SEC22C: variants seen among roughly 807,000 people sequenced by gnomAD.
The protein encoded by SEC22C is vesicle-trafficking protein SEC22c.
Under a neutral mutation model 34.7 loss-of-function variants are expected in SEC22C, and 29 were observed. The ratio of observed to expected loss-of-function variants is 0.84; its 90% CI spans 0.62 to 1.14. SEC22C has a LOEUF of 1.14. Among genes scored for constraint, SEC22C ranks in the 50% most tolerant of loss-of-function variants. The pLI is 0.00. For synonymous variants in SEC22C, 117 were observed against 132.8 expected, an observed-to-expected ratio of 0.88 and a Z score of 0.82; for missense variants, 337 against 369.0, an observed-to-expected ratio of 0.91 and a Z score of 0.71.
At chr3:42,591,733 G>C in intron 1 of SEC22C, 1 of 698,724 alleles carries the variant, frequency 1.4e-6, no homozygotes, top group Non-Finnish European at 2.5e-6. Context: ...GGAAAGAGAG[G>C]CTCAAAGAGT....
chr3:42,553,508 C>A, intron 6 of SEC22C, 60 bp from the exon 7 acceptor site: 1 of 1,569,082 alleles, frequency 6.4e-7, no homozygotes, highest in African/African-American at 1.4e-5. Context: ...AGATCATATG[C>A]AAAATTCACC....
intron 6 of SEC22C, among the ~76,000 whole-genome samples, chr3:42,554,661 C>A (rs550195319): frequency 1.3e-5 from 2 of 152,086 alleles, no homozygotes; most frequent in African/African-American, 4.8e-5. Flanking sequence ...TAAGAATAAA[C>A]CATTCTAGGA....
In SEC22C at chr3:42,552,165, T is replaced by C. The variant is rs1291262716; in HGVS notation, c.*1083A>G. 1 of 985,208 alleles carries C rather than the reference T, an allele frequency of 1.0e-6. No homozygotes were observed. The highest frequency in any genetic ancestry group is 1.1e-4 in the East Asian group (1 of 8,818). The allele number at this position is 985,208 out of a possible 1,614,324, so 61.0% of individuals were successfully genotyped here. Reference sequence around the variant, plus strand: ...CTTTCCAGAGTATGTGTTAATTATATCTCTATCAAGCTTTAAAAAGTTAAC... The same window carrying C: ...CTTTCCAGAGTATGTGTTAATTATACCTCTATCAAGCTTTAAAAAGTTAAC... On this transcript the variant is annotated 3_prime_UTR_variant, in exon 7 of 7. Transcript: ENST00000264454.
chr3:42,556,638 C>A (rs1275009496), intron 5 of SEC22C, among the ~76,000 whole-genome samples: 1 of 152,208 alleles, frequency 6.6e-6, no homozygotes, highest in East Asian at 1.9e-4. Context: ...CCACTATATG[C>A]ATGGGTGTGA....
At position 42,548,606 on chromosome 3, in the gene SEC22C, G is replaced by A; in HGVS notation, c.*4642C>T. 1.2e-6 allele frequency: 2 copies of A among 1,613,612 alleles called. No homozygotes were observed. The highest frequency in any genetic ancestry group is 1.7e-6 in the Non-Finnish European group (2 of 1,180,014). On this transcript the variant is annotated 3_prime_UTR_variant, in exon 7 of 7. Transcript: ENST00000264454. Reference sequence around the variant, plus strand: ...CAGAGCTCTCCTCATTTGGGTCAGGGGTGGCTGGCTCACGAGGTTTGGTCC... The same window carrying A: ...CAGAGCTCTCCTCATTTGGGTCAGGAGTGGCTGGCTCACGAGGTTTGGTCC...
chr3:42,593,690 T>C (rs1306330759), intron 1 of SEC22C, among the ~76,000 whole-genome samples: 1 of 152,076 alleles, frequency 6.6e-6, no homozygotes, highest in African/African-American at 2.4e-5. Context: ...CTAGAATCTA[T>C]AAGGAAATGT....
intron 2 of SEC22C, among the ~76,000 whole-genome samples, chr3:42,565,038 G>A (rs1050361502): frequency 3.1e-4 from 47 of 152,238 alleles, no homozygotes; most frequent in African/African-American, 9.9e-4. Flanking sequence ...GATTACAGGC[G>A]TGAACCACTG....
At chr3:42,581,743 G>A (rs1360201401) in intron 1 of SEC22C, 103 bp downstream of exon 1, 1 of 152,514 alleles carries the variant, frequency 6.6e-6, no homozygotes, top group Non-Finnish European at 1.5e-5. Flanking sequence ...GGCCGGGTGG[G>A]CCCTGGGCCG....
chr3:42,600,115 A>T (rs1467954801), intron 1 of SEC22C, among the ~76,000 whole-genome samples: 1 of 152,238 alleles, frequency 6.6e-6, no homozygotes, highest in Non-Finnish European at 1.5e-5. Context: ...GACCAGATTT[A>T]AAAACGGGCA....
At chr3:42,566,975 G>A (rs1703287260) in intron 2 of SEC22C, 1 of 187,798 alleles carries the variant, frequency 5.3e-6, no homozygotes, top group Non-Finnish European at 1.2e-5. Flanking sequence ...AGGCTGAGGT[G>A]TGAACATGGC....
intron 6 of SEC22C, among the ~76,000 whole-genome samples, chr3:42,553,712 A>G (rs1346019313): frequency 6.6e-6 from 1 of 152,232 alleles, no homozygotes; most frequent in Non-Finnish European, 1.5e-5. Flanking sequence ...AGTTAAAGAA[A>G]TAGACAGAAA....
rs6771799 is a variant in SEC22C at position 42,555,854 on chromosome 3, A to G, written c.711+76T>C. 3.3e-4 allele frequency: 402 copies of G among 1,211,140 alleles called. 6 individuals are homozygous for G. The African/African-American group carries it at 4.5e-3, about 14-fold the overall frequency. The allele number at this position is 1,211,140 out of a possible 1,614,324, so 75.0% of individuals were successfully genotyped here. On this transcript the variant is annotated intron_variant, in intron 6 of 6. Transcript: ENST00000264454. ...GGTGGAACAAAAATCACATCTAGAA[A>G]CTTGCTGATAGATGAACAGAAGAAC...
upstream of SEC22C, among the ~76,000 whole-genome samples, chr3:42,583,149 T>C (rs1704486939): frequency 6.6e-6 from 1 of 152,192 alleles, no homozygotes. Context: ...CATAGAACAC[T>C]GGTCAAAATT....
At chr3:42,577,753 T>A (rs965916737) in intron 1 of SEC22C, among the ~76,000 whole-genome samples, 5 of 152,142 alleles carry the variant, frequency 3.3e-5, no homozygotes, top group Non-Finnish European at 7.4e-5. Flanking sequence ...GTGGATCACC[T>A]GAGGTTAAGG....
At chr3:42,596,239 C>T (rs967833050) in intron 1 of SEC22C, among the ~76,000 whole-genome samples, 7 of 152,144 alleles carry the variant, frequency 4.6e-5, no homozygotes, top group African/African-American at 1.7e-4. Context: ...TCAGGCTGGT[C>T]TCGTACTCAC....
intron 1 of SEC22C, among the ~76,000 whole-genome samples, chr3:42,596,976 CA>C (rs777702839): frequency 7.9e-5 from 12 of 152,328 alleles, no homozygotes; most frequent in Non-Finnish European, 1.5e-4. Flanking sequence ...ACGGTAATTA[CA>C]AAGCTGGGTA....
chr3:42,562,159 T>A (rs979459471), intron 3 of SEC22C, among the ~76,000 whole-genome samples: 3 of 152,288 alleles, frequency 2.0e-5, no homozygotes, highest in Admixed American at 2.0e-4. Context: ...CAAAGCAAAA[T>A]CTGTATAATT....
At chr3:42,557,822 A>T in intron 4 of SEC22C, 126 bp from the exon 5 acceptor site, 1 of 496,126 alleles carries the variant, frequency 2.0e-6, no homozygotes, top group Non-Finnish European at 3.7e-6. Context: ...AATTACAAAC[A>T]TATTAATTGT....
At chr3:42,572,354 T>C (rs9865109) in intron 1 of SEC22C, among the ~76,000 whole-genome samples, 69,225 of 152,026 alleles carry the variant, frequency 0.46, 18,488 homozygotes, top group African/African-American at 0.74. Flanking sequence ...AAACTGTAGC[T>C]ACCACACACC....
Sources: allele counts gnomAD v4.1 joint callset (sites outside exome capture counted in the v4.1 genomes callset), GRCh38; gene constraint gnomAD v4.1.1; transcripts MANE v1.5; gene names NCBI Gene and HGNC (gene_info 2026-07-23, HGNC 2026-07-21).